The following ELP4 variants were observed in gnomAD, a reference collection of about 807,000 sequenced individuals.
ELP4 encodes the protein elongator acetyltransferase complex subunit 4.
ELP4 carries 51 observed loss-of-function variants against 48.9 expected under a neutral mutation model. The observed-to-expected ratio is 1.04, with a 90% CI of 0.83 to 1.32. The LOEUF (loss-of-function observed/expected upper bound fraction) is 1.32, where lower values mean the gene tolerates loss of function less well. Among genes scored for constraint, ELP4 ranks in the 40% most tolerant of loss-of-function variants. The probability of loss-of-function intolerance (pLI) is 0.00; values close to 1 mark genes in which losing one functional copy is unlikely to be tolerated. For synonymous variants in ELP4, 210 were observed against 189.2 expected (o/e 1.11, Z -0.90); for missense variants, 519 against 514.6 (o/e 1.01, Z -0.08).
chr11:31,683,788 A>G (rs1380838270), intron 9 of ELP4, among the ~76,000 whole-genome samples: 1 of 152,142 alleles, frequency 6.6e-6, no homozygotes, highest in African/African-American at 2.4e-5. Context: ...GGATAAATTC[A>G]ATTAGCTAGA....
chr11:31,769,575 C>A (rs533587176), intron 9 of ELP4, among the ~76,000 whole-genome samples: 1 of 152,160 alleles, frequency 6.6e-6, no homozygotes, highest in Non-Finnish European at 1.5e-5. Context: ...AGTCAGACCT[C>A]TGCCAATCCT....
chr11:31,556,150 A>G (rs1956926878), intron 3 of ELP4, among the ~76,000 whole-genome samples: 1 of 151,958 alleles, frequency 6.6e-6, no homozygotes, highest in Admixed American at 6.6e-5. Flanking sequence ...TTGAAAACAT[A>G]TTCATGCCTA....
intron 3 of ELP4, among the ~76,000 whole-genome samples, chr11:31,574,513 C>A (rs915007819): frequency 2.6e-5 from 4 of 152,224 alleles, no homozygotes; most frequent in African/African-American, 9.6e-5. Flanking sequence ...CCCTGAGTAA[C>A]CTAACTGGGA....
intron 4 of ELP4, among the ~76,000 whole-genome samples, chr11:31,598,148 G>A (rs1445847473): frequency 6.6e-6 from 1 of 151,568 alleles, no homozygotes; most frequent in African/African-American, 2.4e-5. Context: ...TAGAGATGGG[G>A]TTTCACTGTG....
At chr11:31,708,162 C>T (rs1946671923) in intron 9 of ELP4, among the ~76,000 whole-genome samples, 1 of 152,082 alleles carries the variant, frequency 6.6e-6, no homozygotes, top group Non-Finnish European at 1.5e-5. Flanking sequence ...ACATTTTCCC[C>T]CTAACTAAAT....
At chr11:31,609,061 A>G (rs1957928221) in intron 5 of ELP4, among the ~76,000 whole-genome samples, 1 of 152,094 alleles carries the variant, frequency 6.6e-6, no homozygotes, top group Non-Finnish European at 1.5e-5. Context: ...TGTTAAGAGG[A>G]CAATCAGACT....
At chr11:31,606,149 C>A (rs1957869823) in intron 5 of ELP4, among the ~76,000 whole-genome samples, 1 of 152,088 alleles carries the variant, frequency 6.6e-6, no homozygotes, top group Non-Finnish European at 1.5e-5. Context: ...TATTTCATTT[C>A]ATAGAGTTAA....
chr11:31,552,050 C>T (rs934934219), intron 3 of ELP4, among the ~76,000 whole-genome samples: 5 of 152,054 alleles, frequency 3.3e-5, no homozygotes, highest in Non-Finnish European at 5.9e-5. Context: ...TTACTGTGGT[C>T]ATCTCTCAGG....
chr11:31,578,848 C>G (rs907575781), intron 3 of ELP4, among the ~76,000 whole-genome samples: 4 of 152,234 alleles, frequency 2.6e-5, no homozygotes, highest in South Asian at 2.1e-4. Flanking sequence ...AGAAGAAAAC[C>G]TAGGCAATAC....
intron 9 of ELP4, among the ~76,000 whole-genome samples, chr11:31,739,120 C>A (rs576750847): frequency 6.6e-6 from 1 of 151,902 alleles, no homozygotes; most frequent in East Asian, 1.9e-4. Context: ...CTATTTTGAT[C>A]TCATACACCA....
At chr11:31,603,962 C>T in intron 5 of ELP4, 55 bp downstream of exon 5, 1 of 1,449,040 alleles carries the variant, frequency 6.9e-7, no homozygotes, top group Admixed American at 2.0e-5. Context: ...TAGTAGAATG[C>T]ACTTTTACCA....
chr11:31,532,519 GT>G (rs1199899405), intron 2 of ELP4, among the ~76,000 whole-genome samples: 2 of 152,048 alleles, frequency 1.3e-5, no homozygotes, highest in Admixed American at 6.6e-5. Flanking sequence ...AAATCACTCA[GT>G]TTTTTTAATT....
intron 9 of ELP4, among the ~76,000 whole-genome samples, chr11:31,674,111 C>T (rs1399652078): frequency 6.6e-6 from 1 of 152,172 alleles, no homozygotes; most frequent in Non-Finnish European, 1.5e-5. Context: ...ATCAGCAATT[C>T]ATCACTCTAT....
At chr11:31,717,759 A>G (rs964764431) in intron 9 of ELP4, among the ~76,000 whole-genome samples, 8 of 152,130 alleles carry the variant, frequency 5.3e-5, no homozygotes, top group Non-Finnish European at 1.0e-4. Context: ...GTCTCAAAAA[A>G]AAAAAAAAGA....
At chr11:31,643,549 T>G (rs1436068681) in intron 7 of ELP4, among the ~76,000 whole-genome samples, 1 of 151,908 alleles carries the variant, frequency 6.6e-6, no homozygotes, top group Non-Finnish European at 1.5e-5. Context: ...GTATTCTGAT[T>G]GTTACTTGGT....
At chr11:31,736,827 G>C (rs1329460614) in intron 9 of ELP4, among the ~76,000 whole-genome samples, 1 of 151,796 alleles carries the variant, frequency 6.6e-6, no homozygotes, top group Non-Finnish European at 1.5e-5. Flanking sequence ...TCAGGTGCTG[G>C]AGAGGATGTG....
intron 5 of ELP4, among the ~76,000 whole-genome samples, chr11:31,610,331 GT>G (rs1957954969): frequency 3.9e-5 from 1 of 25,462 alleles, no homozygotes; most frequent in Non-Finnish European, 2.4e-4. Context: ...TTTTTTGTTT[GT>G]TTTGTTTTGT....
chr11:31,623,382 T>TAAATATAA (rs1565084252), intron 5 of ELP4, among the ~76,000 whole-genome samples: 1 of 92,048 alleles, frequency 1.1e-5, no homozygotes, highest in African/African-American at 3.7e-5. Context: ...TATATATATA[T>TAAATATAA]ATATATATAA....
chr11:31,727,734 TGAA>T lies in ELP4; in HGVS notation c.1144-55655_1144-55653del, dbSNP rs751947163. 24 of 152,238 alleles carry T rather than the reference TGAA, an allele frequency of 1.6e-4. 1 individual carries two copies. The South Asian group carries it at 4.6e-3, about 29-fold the overall frequency. 9.4% of individuals were successfully genotyped at this position (152,238 alleles called of 1,614,324 possible). The stretch of plus-strand genomic sequence containing the variant: ...TTTCACATAATAACTACTCGAATAA[TGAA>T]GAATTATTGAATAATGAAGAAACTG... On this transcript the variant is annotated intron_variant, in intron 9 of 9. Transcript: ENST00000640961.
Sources: gnomAD v4.1 joint callset for allele counts (sites outside exome capture counted in the v4.1 genomes callset) on GRCh38, gnomAD v4.1.1 for gene constraint, MANE v1.5 for transcripts, NCBI Gene and HGNC (gene_info 2026-07-23, HGNC 2026-07-21) for gene names.